ZNF215: variants seen among roughly 807,000 people sequenced by gnomAD.
The protein encoded by ZNF215 is BWSCR2-associated zinc finger protein 2.
A neutral mutation model predicts 27.2 loss-of-function variants in ZNF215; 24 were observed. The observed-to-expected ratio is 0.88, with a 90% CI of 0.64 to 1.24. The LOEUF is 1.24. Among genes scored for constraint, ZNF215 ranks in the 50% most tolerant of loss-of-function variants. The probability of loss-of-function intolerance (pLI) is 0.00; values close to 1 mark genes in which losing one functional copy is unlikely to be tolerated. For synonymous variants in ZNF215, 210 were observed against 204.0 expected (o/e 1.03, Z -0.25); for missense variants, 675 against 605.7 (o/e 1.11, Z -1.20).
rs367614743 is a variant in ZNF215, at chr11:6,932,531, A to T, written c.259A>T (p.Ile87Phe). Residue 87 changes from isoleucine to phenylalanine, a missense_variant, in exon 3 of 7, where the codon ATT (isoleucine) becomes TTT (phenylalanine). Coordinates refer to ENST00000278319, the MANE Select transcript of ZNF215 (RefSeq NM_013250.4). ...ACCAGAGATTCATACAAAGAAGCAG[A>T]TTATAGAACTGTTGGTGCTGGAACA... ...LRPEIHTKKQ[I>F]IELLVLEQFL... 6.2e-7 allele frequency: 1 copy of T among 1,614,084 alleles called. No individual in the cohort carries two copies. Among genetic ancestry groups the T allele is most frequent in the African/African-American group, 1.3e-5 (1 of 74,928 alleles).
downstream of ZNF215, among the ~76,000 whole-genome samples, chr11:6,987,896 A>G (rs1007162458): frequency 2.0e-5 from 3 of 152,180 alleles, no homozygotes. Context: ...GGATTTGGCC[A>G]TTTCTTCTTC....
Position 6,967,358 on chromosome 11 carries a change from C to G in ZNF215, c.805+11576C>G, listed in dbSNP as rs543953173. On this transcript the variant is annotated intron_variant, in intron 5 of 5. Transcript: ENST00000529903. ...TGCTGGTCAAATGGTATTTCTGGTT[C>G]TAGATCCTTGAGGAATCTCCACACT... 6.6e-5 allele frequency among the ~76,000 whole-genome samples: 10 copies of G among 152,320 alleles called. 1 individual carries two copies. Among genetic ancestry groups the G allele is most frequent in the Admixed American group, 6.5e-4 (10 of 15,298 alleles).
At chr11:6,938,499 A>G (rs1436199102) in intron 3 of ZNF215, among the ~76,000 whole-genome samples, 1 of 152,102 alleles carries the variant, frequency 6.6e-6, no homozygotes, top group African/African-American at 2.4e-5. Flanking sequence ...TAAAAAGTGG[A>G]AACAACCCAG....
At chr11:6,965,488 G>A (rs1773470242) in intron 5 of ZNF215, among the ~76,000 whole-genome samples, 1 of 151,768 alleles carries the variant, frequency 6.6e-6, no homozygotes, top group African/African-American at 2.4e-5. Flanking sequence ...ACTATTTATA[G>A]ACAAATCTAA....
In ZNF215 at chr11:6,956,158, T is replaced by G. The variant is rs1175548627; in HGVS notation, c.1181T>G (p.Leu394Arg). The G allele has an allele frequency of 1.2e-6, 2 of 1,613,636 alleles. No homozygotes were observed. The highest frequency in any genetic ancestry group is 2.2e-5 in the East Asian group (1 of 44,882). Residue 394 changes from leucine (L) to arginine (R), a missense_variant, in exon 7 of 7, where the codon CTT becomes CGT. By Grantham distance (102) the Leu-to-Arg change is moderately radical (BLOSUM62 -2). Coordinates refer to ENST00000278319, the MANE Select transcript of ZNF215 (RefSeq NM_013250.4). ...AAAGCCTTCTGCCGAAGTTCATCCC[T>G]TATTCGACATCAGATCATTCACACA... Reference protein sequence around the residue: ...CGKAFCRSSSLIRHQIIHTGE... With the variant: ...CGKAFCRSSSRIRHQIIHTGE...
chr11:6,953,550 T>G (rs962079977), intron 6 of ZNF215, among the ~76,000 whole-genome samples: 3 of 152,368 alleles, frequency 2.0e-5, no homozygotes, highest in African/African-American at 7.2e-5. Context: ...TTCTGCATTC[T>G]TCACATAGTT....
At chr11:6,963,180 C>A (rs1177949337) in intron 5 of ZNF215, among the ~76,000 whole-genome samples, 1 of 152,024 alleles carries the variant, frequency 6.6e-6, no homozygotes, top group Non-Finnish European at 1.5e-5. Flanking sequence ...GACAGTTCCA[C>A]CACTACAGAA....
intron 6 of ZNF215, among the ~76,000 whole-genome samples, chr11:6,954,216 C>T (rs558963401): frequency 2.6e-5 from 4 of 152,258 alleles, no homozygotes; most frequent in South Asian, 2.1e-4. Flanking sequence ...GCAGTCTGCC[C>T]GTTCTCAGAT....
intron 5 of ZNF215, among the ~76,000 whole-genome samples, chr11:6,981,842 C>T (rs2133355319): frequency 6.6e-6 from 1 of 151,912 alleles, no homozygotes; most frequent in African/African-American, 2.4e-5. Context: ...GCCAGTTTTC[C>T]CAGCACCATT....
chr11:6,957,725 T>G lies in ZNF215; in HGVS notation c.*1194T>G. ...GCAGTTCCTAAGAACCTATTGATGA[T>G]GTTCAGTGCAGACTTACTGTACCTT... On this transcript the variant is annotated 3_prime_UTR_variant, in exon 7 of 7. Coordinates refer to ENST00000278319, the MANE Select transcript of ZNF215 (RefSeq NM_013250.4). The G allele has an allele frequency of 2.0e-6, 2 of 984,714 alleles. No homozygotes were observed. The highest frequency in any genetic ancestry group is 2.4e-6 in the Non-Finnish European group (2 of 829,268). 61.0% of individuals were successfully genotyped at this position (984,714 alleles called of 1,614,324 possible). A position where few individuals can be genotyped will look rare whatever the true frequency, so the allele number is the denominator to read the frequency against.
rs1424701157 is a variant in ZNF215 at position 6,931,331 on chromosome 11, C to T, written c.-179-763C>T. On this transcript the variant is annotated intron_variant, in intron 2 of 6. Transcript: ENST00000278319. ...TTCTTTTGAGTCAGAGTGTTTCCTACACCACGTTTATGGGTCTCATCTCCC... is the reference window on the plus strand; with the variant it reads ...TTCTTTTGAGTCAGAGTGTTTCCTATACCACGTTTATGGGTCTCATCTCCC... 2.6e-5 allele frequency among the ~76,000 whole-genome samples: 4 copies of T among 152,194 alleles called. No homozygotes were observed. In the East Asian group the frequency reaches 5.8e-4, roughly 22 times the overall value.
At chr11:6,927,465 G>C (rs915343169) in intron 1 of ZNF215, among the ~76,000 whole-genome samples, 197 bp from the exon 2 acceptor site, 2 of 152,058 alleles carry the variant, frequency 1.3e-5, no homozygotes, top group African/African-American at 4.8e-5. Flanking sequence ...GCAGCTGTTC[G>C]AGTTCCTTGC....
downstream of ZNF215, among the ~76,000 whole-genome samples, chr11:6,991,208 G>T (rs1851113128): frequency 6.6e-6 from 1 of 152,212 alleles, no homozygotes; most frequent in Admixed American, 6.5e-5. Flanking sequence ...TAGAGTTCTG[G>T]ACAACCGCTT....
chr11:6,963,215 C>T (rs1447782996), intron 5 of ZNF215, among the ~76,000 whole-genome samples: 4 of 151,988 alleles, frequency 2.6e-5, no homozygotes. Context: ...CTTTTATAGT[C>T]AAGCTGTTCC....
chr11:6,983,988 G>T (rs920213653), intron 5 of ZNF215: 1 of 235,560 alleles, frequency 4.2e-6, no homozygotes, highest in South Asian at 4.2e-5. Context: ...GAGACTAAAC[G>T]CCTAAAACAT....
chr11:6,946,089 G>A (rs1309869254), intron 6 of ZNF215, among the ~76,000 whole-genome samples: 2 of 151,826 alleles, frequency 1.3e-5, no homozygotes, highest in East Asian at 3.9e-4. Flanking sequence ...TCTAATATTT[G>A]TTCCTATTTT....
At chr11:6,946,589 G>T (rs375347235) in intron 6 of ZNF215, among the ~76,000 whole-genome samples, 1 of 152,096 alleles carries the variant, frequency 6.6e-6, no homozygotes, top group Non-Finnish European at 1.5e-5. Flanking sequence ...TCTTCCCCCC[G>T]TTCTTTACCT....
chr11:6,951,927 TG>T (rs1206928454), intron 6 of ZNF215, among the ~76,000 whole-genome samples: 1 of 152,196 alleles, frequency 6.6e-6, no homozygotes, highest in Non-Finnish European at 1.5e-5. Flanking sequence ...GATTCTGGTA[TG>T]TTGTGTCTTT....
chr11:6,982,163 G>A (rs1435736053), intron 5 of ZNF215, among the ~76,000 whole-genome samples: 1 of 152,046 alleles, frequency 6.6e-6, no homozygotes. Flanking sequence ...TTGGTAGCTT[G>A]ATGGGGATGG....
Sources: allele counts gnomAD v4.1 joint callset (sites outside exome capture counted in the v4.1 genomes callset), GRCh38; gene constraint gnomAD v4.1.1; transcripts MANE v1.5; gene names NCBI Gene and HGNC (gene_info 2026-07-23, HGNC 2026-07-21).